The following ALK variants were observed in gnomAD, a reference collection of about 807,000 sequenced individuals.
The protein encoded by ALK is ALK tyrosine kinase receptor.
Under a neutral mutation model 163.1 loss-of-function variants are expected in ALK, and 74 were observed. The observed-to-expected ratio is 0.45, with a 90% CI of 0.38 to 0.55. The LOEUF (loss-of-function observed/expected upper bound fraction) is 0.55, where lower values mean the gene tolerates loss of function less well. Among genes scored for constraint, ALK ranks in the 20% least tolerant of loss-of-function variants. The pLI is 0.00. For missense variants in ALK, 2,063 were observed against 2,105.3 expected (o/e 0.98, Z 0.39); for synonymous variants, 960 against 843.2 (o/e 1.14, Z -2.40).
At chr2:29,763,681 T>G (rs1390129764) in intron 1 of ALK, among the ~76,000 whole-genome samples, 1 of 152,050 alleles carries the variant, frequency 6.6e-6, no homozygotes, top group Non-Finnish European at 1.5e-5. Context: ...GGATTGAGGG[T>G]GCTGTCCCGC....
Position 29,717,703 on chromosome 2 carries a change from CATAAAA to C in ALK, c.668-12_668-7del. On this transcript the variant is annotated splice_region_variant and splice_polypyrimidine_tract_variant and intron_variant, in intron 1 of 28. Coordinates refer to ENST00000389048, the MANE Select transcript of ALK (RefSeq NM_004304.5). ...TGATTCCAAGGAGCTATGACCTGGA[CATAAAA>C]ATAAAGAAAACACTGATCCATGTGC... The C allele has an allele frequency of 1.2e-6, 2 of 1,613,976 alleles. No homozygotes were observed. The highest frequency in any genetic ancestry group is 2.2e-5 in the South Asian group (2 of 91,060).
intron 3 of ALK, among the ~76,000 whole-genome samples, chr2:29,576,763 T>C (rs991640801): frequency 6.6e-6 from 1 of 152,044 alleles, no homozygotes; most frequent in Non-Finnish European, 1.5e-5. Flanking sequence ...TAGATTCTCA[T>C]AGGAGTGCAA....
intron 1 of ALK, among the ~76,000 whole-genome samples, chr2:29,791,637 A>G (rs1388865151): frequency 6.6e-6 from 1 of 152,034 alleles, no homozygotes; most frequent in Middle Eastern, 3.2e-3. Flanking sequence ...TTAAAAATAT[A>G]TATATATATA....
intron 3 of ALK, among the ~76,000 whole-genome samples, chr2:29,640,312 TG>T (rs777269523): frequency 2.0e-5 from 3 of 152,098 alleles, no homozygotes; most frequent in Non-Finnish European, 2.9e-5. Context: ...GACTGGATCA[TG>T]GGGGTGGAAT....
chr2:29,430,158 A>T (rs1670239254), intron 4 of ALK, among the ~76,000 whole-genome samples: 1 of 152,178 alleles, frequency 6.6e-6, no homozygotes, highest in Non-Finnish European at 1.5e-5. Context: ...TCTTAGATAT[A>T]ACACAAAAAA....
chr2:29,465,931 C>A (rs539386220), intron 4 of ALK, among the ~76,000 whole-genome samples: 1 of 151,706 alleles, frequency 6.6e-6, no homozygotes, highest in African/African-American at 2.4e-5. Context: ...AAATGTATTA[C>A]AATAATAGCA....
At chr2:29,424,903 T>TA (rs1670098645) in intron 4 of ALK, among the ~76,000 whole-genome samples, 1 of 152,176 alleles carries the variant, frequency 6.6e-6, no homozygotes, top group African/African-American at 2.4e-5. Context: ...GTACCATAAA[T>TA]AAAATTCACA....
chr2:29,225,449 C>A lies in ALK; in HGVS notation c.3172+12G>T, dbSNP rs1271239593. 1.9e-6 allele frequency: 3 copies of A among 1,608,218 alleles called. No individual in the cohort carries two copies. Among genetic ancestry groups the A allele is most frequent in the Non-Finnish European group, 8.5e-7 (1 of 1,176,900 alleles). On this transcript the variant is annotated intron_variant, in intron 19 of 28. Coordinates refer to ENST00000389048, the MANE Select transcript of ALK (RefSeq NM_004304.5). ...TGCCCCCTTGGGAGTCCCTGGGGCT[C>A]TGTGCACTCACCAATCATGATGCCG...
At chr2:29,391,161 G>A (rs1025795302) in intron 4 of ALK, among the ~76,000 whole-genome samples, 3 of 152,174 alleles carry the variant, frequency 2.0e-5, no homozygotes, top group African/African-American at 7.2e-5. Context: ...TTATGTGGGT[G>A]ACGGGGATCT....
At chr2:29,701,709 C>T (rs1029724996) in intron 2 of ALK, among the ~76,000 whole-genome samples, 3 of 152,112 alleles carry the variant, frequency 2.0e-5, no homozygotes, top group South Asian at 2.1e-4. Context: ...TAATAACACT[C>T]GCCAAGGACT....
intron 23 of ALK, among the ~76,000 whole-genome samples, chr2:29,218,441 G>C (rs1188427198): frequency 1.3e-5 from 2 of 152,116 alleles, no homozygotes; most frequent in East Asian, 3.9e-4. Flanking sequence ...CTCTGGGGTG[G>C]GGGTAGTGAG....
intron 8 of ALK, among the ~76,000 whole-genome samples, chr2:29,298,360 G>A (rs1261539327): frequency 1.3e-5 from 2 of 151,996 alleles, no homozygotes; most frequent in African/African-American, 2.4e-5. Flanking sequence ...TAGCTTTCTT[G>A]TACAAGCCAT....
At chr2:29,507,405 T>C (rs535224466) in intron 4 of ALK, among the ~76,000 whole-genome samples, 3 of 152,298 alleles carry the variant, frequency 2.0e-5, no homozygotes, top group East Asian at 3.9e-4. Context: ...GTTTATTGGG[T>C]ACACAGTTTC....
At chr2:29,360,828 G>A (rs1389145357) in intron 5 of ALK, among the ~76,000 whole-genome samples, 1 of 152,190 alleles carries the variant, frequency 6.6e-6, no homozygotes, top group Non-Finnish European at 1.5e-5. Flanking sequence ...TTATCTATGA[G>A]GTTTGTGCAA....
chr2:29,722,582 AG>A (rs1336852785), intron 1 of ALK, among the ~76,000 whole-genome samples: 2 of 152,224 alleles, frequency 1.3e-5, no homozygotes, highest in Non-Finnish European at 2.9e-5. Flanking sequence ...ATTATTTGAC[AG>A]TTGTTAAAAG....
At chr2:29,811,180 G>C (rs1664748812) in intron 1 of ALK, among the ~76,000 whole-genome samples, 1 of 152,052 alleles carries the variant, frequency 6.6e-6, no homozygotes, top group African/African-American at 2.4e-5. Context: ...GAGGTCGAAG[G>C]CCAGGCTGGA....
At chr2:29,903,460 C>A (rs915222689) in intron 1 of ALK, among the ~76,000 whole-genome samples, 1 of 152,262 alleles carries the variant, frequency 6.6e-6, no homozygotes, top group South Asian at 2.1e-4. Flanking sequence ...TCAAACACTC[C>A]CTTGTCCCTC....
intron 2 of ALK, among the ~76,000 whole-genome samples, chr2:29,715,084 TCACTTCC>T (rs1679207984): frequency 6.6e-6 from 1 of 152,228 alleles, no homozygotes; most frequent in African/African-American, 2.4e-5. Flanking sequence ...TATGTTTGCA[TCACTTCC>T]CACATCAGGC....
intron 3 of ALK, among the ~76,000 whole-genome samples, chr2:29,688,840 C>T (rs1337146140): frequency 6.6e-6 from 1 of 152,152 alleles, no homozygotes; most frequent in Non-Finnish European, 1.5e-5. Context: ...TACAGACAAA[C>T]TGAAGTGTGT....
Sources: allele counts gnomAD v4.1 joint callset (sites outside exome capture counted in the v4.1 genomes callset), GRCh38; gene constraint gnomAD v4.1.1; transcripts MANE v1.5; gene names NCBI Gene and HGNC (gene_info 2026-07-23, HGNC 2026-07-21).